ENTREP2: variants seen among roughly 807,000 people sequenced by gnomAD.
ENTREP2 encodes the protein endosomal transmembrane epsin interactor 2, also known as protein ENTREP2.
chr15:29,657,164 C>T, the ENTREP2 span, among the ~76,000 whole-genome samples: 1 of 152,122 alleles, frequency 6.6e-6, no homozygotes, highest in African/African-American at 2.4e-5. Context: ...TCTCCTGCCT[C>T]CTCCTCCTGA....
the ENTREP2 span, among the ~76,000 whole-genome samples, chr15:29,637,775 C>T: frequency 6.6e-6 from 1 of 152,106 alleles, no homozygotes; most frequent in South Asian, 2.1e-4. Flanking sequence ...GCAGGAGGAG[C>T]TAGAGAAGAG....
At chr15:29,642,483 A>G in the ENTREP2 span, among the ~76,000 whole-genome samples, 1 of 135,076 alleles carries the variant, frequency 7.4e-6, no homozygotes, top group African/African-American at 2.7e-5. Context: ...GTATATACAC[A>G]TATATACATA....
the ENTREP2 span, among the ~76,000 whole-genome samples, chr15:29,157,343 T>C: frequency 3.3e-5 from 5 of 152,176 alleles, no homozygotes; most frequent in Non-Finnish European, 7.4e-5. Flanking sequence ...CCTCTCCAGA[T>C]CCATCAGACT....
chr15:29,664,136 T>C, the ENTREP2 span, among the ~76,000 whole-genome samples: 1 of 152,240 alleles, frequency 6.6e-6, no homozygotes, highest in Non-Finnish European at 1.5e-5. Context: ...AATTCCTTTG[T>C]GCTATAAACG....
the ENTREP2 span, among the ~76,000 whole-genome samples, chr15:29,482,657 C>T: frequency 0.025 from 3,755 of 152,304 alleles, 155 homozygotes; most frequent in African/African-American, 0.084. Context: ...CAGATCTTTT[C>T]ATAGCTTGAT....
chr15:29,605,863 A>G, the ENTREP2 span, among the ~76,000 whole-genome samples: 1 of 152,094 alleles, frequency 6.6e-6, no homozygotes, highest in Non-Finnish European at 1.5e-5. Flanking sequence ...ATGGATTCAG[A>G]AAACTGCAAA....
the ENTREP2 span, among the ~76,000 whole-genome samples, chr15:29,578,260 T>A: frequency 1.3e-5 from 2 of 152,228 alleles, no homozygotes; most frequent in East Asian, 1.9e-4. Context: ...GAAAACAGTC[T>A]GGCTGTTCCT....
the ENTREP2 span, among the ~76,000 whole-genome samples, chr15:29,635,352 G>A: frequency 7.9e-5 from 12 of 152,124 alleles, no homozygotes; most frequent in Non-Finnish European, 1.6e-4. Flanking sequence ...TAGTTGCTAA[G>A]GATTTCAAGA....
At chr15:29,436,617 T>C in the ENTREP2 span, among the ~76,000 whole-genome samples, 2 of 152,194 alleles carry the variant, frequency 1.3e-5, no homozygotes, top group African/African-American at 2.4e-5. Flanking sequence ...AATCATCTAC[T>C]TCTAAATTTA....
At chr15:29,471,993 C>T in the ENTREP2 span, among the ~76,000 whole-genome samples, 4 of 152,056 alleles carry the variant, frequency 2.6e-5, no homozygotes, top group Admixed American at 6.5e-5. Context: ...TGGGGTGGAG[C>T]AGAGGGTGGA....
the ENTREP2 span, among the ~76,000 whole-genome samples, chr15:29,434,682 C>G: frequency 6.6e-6 from 1 of 152,114 alleles, no homozygotes; most frequent in African/African-American, 2.4e-5. Context: ...AACCAAACTA[C>G]TTCCACTGGA....
the ENTREP2 span, among the ~76,000 whole-genome samples, chr15:29,654,038 T>C: frequency 1.2e-4 from 18 of 152,218 alleles, no homozygotes; most frequent in African/African-American, 4.1e-4. Flanking sequence ...ATTTCATTTA[T>C]ACAGATCAGT....
the ENTREP2 span, among the ~76,000 whole-genome samples, chr15:29,384,622 G>T: frequency 6.6e-6 from 1 of 152,090 alleles, no homozygotes; most frequent in Non-Finnish European, 1.5e-5. Flanking sequence ...CCTCCAGGGA[G>T]GCTGGCAAGG....
At chr15:29,190,156 CCTTCACACCTGCACCATCGGTCA>C in the ENTREP2 span, among the ~76,000 whole-genome samples, 3 of 152,184 alleles carry the variant, frequency 2.0e-5, no homozygotes, top group Non-Finnish European at 4.4e-5. Flanking sequence ...TGGGCTGCAG[CCTTCACACCTGCACCATCGGTCA>C]ATGGACCCCA....
chr15:29,657,408 T>C, the ENTREP2 span, among the ~76,000 whole-genome samples: 1 of 130,890 alleles, frequency 7.6e-6, no homozygotes, highest in African/African-American at 2.9e-5. Flanking sequence ...CAGTAGCAGC[T>C]ATAAAGAAGC....
the ENTREP2 span, among the ~76,000 whole-genome samples, chr15:29,496,204 C>T: frequency 6.6e-6 from 1 of 151,664 alleles, no homozygotes; most frequent in Non-Finnish European, 1.5e-5. Context: ...TAATACTGTA[C>T]ACTAATGTGT....
chr15:29,656,449 A>C, the ENTREP2 span, among the ~76,000 whole-genome samples: 4 of 151,984 alleles, frequency 2.6e-5, no homozygotes, highest in Non-Finnish European at 5.9e-5. Flanking sequence ...CTGGTCTTGA[A>C]CTCCTGAGTG....
the ENTREP2 span, among the ~76,000 whole-genome samples, chr15:29,291,872 A>G: frequency 6.6e-6 from 1 of 152,042 alleles, no homozygotes; most frequent in African/African-American, 2.4e-5. Flanking sequence ...TTTTCTTCCA[A>G]GAAGTTCAGA....
At chr15:29,347,361 G>A in the ENTREP2 span, among the ~76,000 whole-genome samples, 1 of 151,798 alleles carries the variant, frequency 6.6e-6, no homozygotes, top group Non-Finnish European at 1.5e-5. Context: ...ATAGAGACAA[G>A]GTCTCGCTGT....
Sources: allele counts gnomAD v4.1 joint callset (sites outside exome capture counted in the v4.1 genomes callset), GRCh38; gene constraint gnomAD v4.1.1; transcripts MANE v1.5; gene names NCBI Gene and HGNC (gene_info 2026-07-23, HGNC 2026-07-21).